SLC4A4: variants seen among roughly 807,000 people sequenced by gnomAD.
SLC4A4 encodes the protein solute carrier family 4 member 4, also known as electrogenic sodium bicarbonate cotransporter 1.
SLC4A4 carries 27 observed loss-of-function variants against 111.5 expected under a neutral mutation model. The ratio of observed to expected loss-of-function variants is 0.24; its 90% CI spans 0.18 to 0.33. SLC4A4 has a LOEUF of 0.33. Ranked by LOEUF, SLC4A4 falls within the 10% of genes least tolerant of loss-of-function variation. The pLI, the probability that SLC4A4 is intolerant of heterozygous loss-of-function variation, is 1.00. For missense variants in SLC4A4, 909 were observed against 1,315.5 expected (o/e 0.69, Z 4.78); for synonymous variants, 443 against 463.4 (o/e 0.96, Z 0.57).
At chr4:71,463,736 T>C (rs1457642053) in intron 12 of SLC4A4, among the ~76,000 whole-genome samples, 1 of 152,176 alleles carries the variant, frequency 6.6e-6, no homozygotes, top group African/African-American at 2.4e-5. Flanking sequence ...ATTTGGGTCT[T>C]GCTTCTTGGT....
At chr4:71,327,137 T>C (rs928475728) in intron 3 of SLC4A4, among the ~76,000 whole-genome samples, 3 of 151,928 alleles carry the variant, frequency 2.0e-5, no homozygotes, top group Non-Finnish European at 4.4e-5. Flanking sequence ...AGCAATTTTT[T>C]TGGAAGCCTG....
chr4:71,376,938 A>G (rs1732462229), intron 6 of SLC4A4, among the ~76,000 whole-genome samples: 1 of 152,188 alleles, frequency 6.6e-6, no homozygotes, highest in Middle Eastern at 3.4e-3. Context: ...ACCTGGCCTC[A>G]TTTGGTTGTA....
intron 2 of SLC4A4, among the ~76,000 whole-genome samples, chr4:71,174,370 C>G (rs756293767): frequency 6.6e-6 from 1 of 151,916 alleles, no homozygotes; most frequent in Non-Finnish European, 1.5e-5. Flanking sequence ...GTGCCTCAGC[C>G]TCCCAAGTAG....
chr4:71,144,304 A>G (rs925000820), intron 2 of SLC4A4, among the ~76,000 whole-genome samples: 1 of 152,076 alleles, frequency 6.6e-6, no homozygotes, highest in Non-Finnish European at 1.5e-5. Context: ...CCATTGATCT[A>G]TATCTCTGTT....
Position 71,249,075 on chromosome 4 carries a change from A to T in SLC4A4, c.74-6145A>T, listed in dbSNP as rs939663546. Among the ~76,000 whole-genome samples the T allele has an allele frequency of 2.0e-5, 3 of 152,272 alleles. No individual in the cohort carries two copies. The East Asian group carries it at 5.8e-4, about 29-fold the overall frequency. On this transcript the variant is annotated intron_variant, in intron 2 of 25. Transcript: ENST00000264485. ...TCAGTGAACATCAAGTAACAAGCTA[A>T]GATTTCTTATCAGTCTTGCTTGGGG...
chr4:71,260,721 C>T (rs1721795613), intron 3 of SLC4A4, among the ~76,000 whole-genome samples: 1 of 152,144 alleles, frequency 6.6e-6, no homozygotes. Context: ...CATATTTGAG[C>T]CAGATTACTT....
chr4:71,476,748 A>G (rs1296443366), intron 14 of SLC4A4, among the ~76,000 whole-genome samples: 1 of 151,584 alleles, frequency 6.6e-6, no homozygotes, highest in East Asian at 2.0e-4. Context: ...TGGTAACCCA[A>G]GTCACATACA....
upstream of SLC4A4, among the ~76,000 whole-genome samples, chr4:71,185,074 T>C (rs190943304): frequency 5.8e-4 from 89 of 152,330 alleles, 1 homozygote; most frequent in South Asian, 6.2e-4. Flanking sequence ...CCAATCTTTG[T>C]ACTGAAATGC....
chr4:71,353,730 A>T (rs2148907858), intron 5 of SLC4A4, among the ~76,000 whole-genome samples: 1 of 152,288 alleles, frequency 6.6e-6, no homozygotes, highest in Admixed American at 6.5e-5. Flanking sequence ...CCCCAATTTT[A>T]TATCAACAAA....
intron 2 of SLC4A4, among the ~76,000 whole-genome samples, chr4:71,101,272 A>G (rs1434917221): frequency 2.0e-5 from 3 of 152,178 alleles, no homozygotes; most frequent in Non-Finnish European, 4.4e-5. Flanking sequence ...AAAACAAAAA[A>G]ACAAAAAAAA....
rs1467341033 is a variant in SLC4A4 at position 71,106,368 on chromosome 4, C to T, written c.-2+13576C>T. On this transcript the variant is annotated intron_variant, in intron 2 of 26. Coordinates refer to the SLC4A4 transcript ENST00000649996. ...ACCGTTGTGGAAGTCAGTGTGGCGA[C>T]TCCTCAGGGATCTAGAACTAGAAAT... is the stretch of plus-strand genomic sequence containing the variant. Among the ~76,000 whole-genome samples the T allele has an allele frequency of 2.5e-3, 385 of 151,120 alleles. 4 individuals carry two copies. Among genetic ancestry groups the T allele is most frequent in the African/African-American group, 8.5e-3 (346 of 40,732 alleles).
intron 1 of SLC4A4, among the ~76,000 whole-genome samples, chr4:71,075,080 A>G (rs1330616424): frequency 1.3e-5 from 2 of 152,236 alleles, no homozygotes; most frequent in Non-Finnish European, 2.9e-5. Context: ...TATTATTAGC[A>G]CCAGGATTAG....
intron 1 of SLC4A4, among the ~76,000 whole-genome samples, chr4:71,077,242 C>A (rs193040424): frequency 3.3e-5 from 5 of 151,530 alleles, no homozygotes; most frequent in Admixed American, 2.6e-4. Context: ...CTGACTACAA[C>A]CTCTGCCTCC....
At chr4:71,123,073 C>T (rs750674024) in intron 2 of SLC4A4, among the ~76,000 whole-genome samples, 11 of 151,854 alleles carry the variant, frequency 7.2e-5, no homozygotes, top group Non-Finnish European at 1.3e-4. Flanking sequence ...ACAATACCTG[C>T]GAAAAGCAAC....
At chr4:71,478,743 A>C (rs2149118212) in intron 14 of SLC4A4, among the ~76,000 whole-genome samples, 1 of 151,902 alleles carries the variant, frequency 6.6e-6, no homozygotes, top group East Asian at 2.0e-4. Flanking sequence ...CCAGAATTTA[A>C]AGTATAATGA....
At chr4:71,536,469 T>C (rs1422465346) in intron 18 of SLC4A4, among the ~76,000 whole-genome samples, 1 of 80,284 alleles carries the variant, frequency 1.2e-5, no homozygotes, top group Admixed American at 1.6e-4. Context: ...TATATACATA[T>C]ATATATATAT....
chr4:71,232,775 A>G (rs2149033778), intron 1 of SLC4A4, among the ~76,000 whole-genome samples: 1 of 152,292 alleles, frequency 6.6e-6, no homozygotes, highest in South Asian at 2.1e-4. Context: ...AAGGCTAAAC[A>G]TTTTAGTTAG....
intron 2 of SLC4A4, among the ~76,000 whole-genome samples, chr4:71,243,616 A>G (rs1168800834): frequency 1.3e-5 from 2 of 152,198 alleles, no homozygotes; most frequent in Non-Finnish European, 1.5e-5. Flanking sequence ...GGAGGTTCCA[A>G]CATTCATCCC....
At chr4:71,142,127 C>T (rs1202314703) in intron 2 of SLC4A4, among the ~76,000 whole-genome samples, 1 of 152,160 alleles carries the variant, frequency 6.6e-6, no homozygotes, top group Admixed American at 6.5e-5. Context: ...CTGATACAAA[C>T]TATAGGTACT....
Sources: allele counts gnomAD v4.1 joint callset (sites outside exome capture counted in the v4.1 genomes callset), GRCh38; gene constraint gnomAD v4.1.1; transcripts MANE v1.5; gene names NCBI Gene and HGNC (gene_info 2026-07-23, HGNC 2026-07-21).